Variants in ST7 observed in about 807,000 individuals in gnomAD.
ST7 encodes suppression of tumorigenicity 7.
A neutral mutation model predicts 78.7 loss-of-function variants in ST7; 28 were observed. That is an observed-to-expected ratio of 0.36 (90% CI 0.26 to 0.49). The LOEUF (loss-of-function observed/expected upper bound fraction) is 0.49, where lower values mean the gene tolerates loss of function less well. Ranked by LOEUF, ST7 falls within the 20% of genes least tolerant of loss-of-function variation. The pLI is 0.99. For missense variants in ST7, 418 were observed against 696.0 expected, an observed-to-expected ratio of 0.60 and a Z score of 4.49; for synonymous variants, 247 against 249.6, an observed-to-expected ratio of 0.99 and a Z score of 0.10.
chr7:117,099,066 C>CAAAAAAA (rs55999217), intron 1 of ST7, among the ~76,000 whole-genome samples: 1 of 94,540 alleles, frequency 1.1e-5, no homozygotes, highest in Non-Finnish European at 2.0e-5. Context: ...AAAAAAAAAA[C>CAAAAAAA]AAAAAAAAAA....
intron 12 of ST7, among the ~76,000 whole-genome samples, chr7:117,195,427 G>T (rs1360453249): frequency 6.6e-6 from 1 of 152,074 alleles, no homozygotes; most frequent in African/African-American, 2.4e-5. Context: ...AAATTTTTAG[G>T]TGTACAGTAC....
intron 12 of ST7, among the ~76,000 whole-genome samples, chr7:117,205,980 T>C (rs1791717784): frequency 6.6e-6 from 1 of 152,238 alleles, no homozygotes; most frequent in African/African-American, 2.4e-5. Context: ...GTTCCATTTA[T>C]TTTTCTCTTG....
intron 9 of ST7, among the ~76,000 whole-genome samples, chr7:117,158,369 C>T (rs193220794): frequency 3.7e-4 from 56 of 152,272 alleles, no homozygotes; most frequent in Admixed American, 9.2e-4. Flanking sequence ...TTGGACTAAA[C>T]GGATCACAGT....
rs375237500 is a variant in ST7 at position 117,042,726 on chromosome 7, C to T, written c.152-57036C>T. Among the ~76,000 whole-genome samples the T allele has an allele frequency of 3.7e-4, 57 of 152,120 alleles. 1 individual carries two copies. The South Asian group carries it at 9.3e-3, about 25-fold the overall frequency. Reference sequence around the variant, plus strand: ...TGGCTTTTGTTTTGTGACTTGCCTTCTCCAAGATTTTAAAAAAATATATAG... The same window carrying T: ...TGGCTTTTGTTTTGTGACTTGCCTTTTCCAAGATTTTAAAAAAATATATAG... On this transcript the variant is annotated intron_variant, in intron 1 of 15. Coordinates refer to ENST00000323984, the MANE Select transcript of ST7 (RefSeq NM_001369598.1).
intron 1 of ST7, among the ~76,000 whole-genome samples, chr7:117,029,534 G>C (rs1796368651): frequency 6.6e-6 from 1 of 151,924 alleles, no homozygotes; most frequent in Non-Finnish European, 1.5e-5. Flanking sequence ...ATAGTCTGTA[G>C]CTTTCCTTTT....
At chr7:117,042,391 G>A (rs527568411) in intron 1 of ST7, among the ~76,000 whole-genome samples, 1 of 152,142 alleles carries the variant, frequency 6.6e-6, no homozygotes, top group South Asian at 2.1e-4. Context: ...TGATAGATCA[G>A]TTTATAAATT....
chr7:116,977,897 C>A (rs1323737146), intron 1 of ST7, among the ~76,000 whole-genome samples: 2 of 152,186 alleles, frequency 1.3e-5, no homozygotes, highest in Non-Finnish European at 2.9e-5. Flanking sequence ...CCTGAAAAAA[C>A]AATAAAAATT....
intron 1 of ST7, among the ~76,000 whole-genome samples, chr7:117,012,831 T>A (rs1795442085): frequency 1.3e-5 from 2 of 152,222 alleles, no homozygotes. Context: ...CTTTTCTGTT[T>A]GCTAAGCCTG....
chr7:117,171,596 C>T (rs1807993999), intron 10 of ST7, among the ~76,000 whole-genome samples: 1 of 151,098 alleles, frequency 6.6e-6, no homozygotes, highest in African/African-American at 2.4e-5. Context: ...CCTAAGAAAC[C>T]AGAAAAATAA....
At chr7:117,207,331 A>T (rs1791865018) in intron 12 of ST7, among the ~76,000 whole-genome samples, 1 of 151,902 alleles carries the variant, frequency 6.6e-6, no homozygotes, top group African/African-American at 2.4e-5. Flanking sequence ...TTTAGTAGAG[A>T]CAGAGTTTTA....
intron 1 of ST7, among the ~76,000 whole-genome samples, chr7:117,026,684 C>G (rs2116099201): frequency 6.6e-6 from 1 of 152,298 alleles, no homozygotes; most frequent in South Asian, 2.1e-4. Context: ...CAGGGTTTAA[C>G]CATCTACCAT....
intron 1 of ST7, among the ~76,000 whole-genome samples, chr7:117,090,098 G>A (rs1179190643): frequency 6.6e-6 from 1 of 152,122 alleles, no homozygotes; most frequent in Non-Finnish European, 1.5e-5. Context: ...ACTAATTTCT[G>A]AGGGTTCTAC....
intron 1 of ST7, chr7:117,098,534 T>A (rs76785013): frequency 0.012 from 2,710 of 219,052 alleles, 28 homozygotes; most frequent in Admixed American, 0.017. Flanking sequence ...GTGTTTCAAC[T>A]GCACTTGGTC....
chr7:117,142,847 T>C (rs192676208), intron 9 of ST7, among the ~76,000 whole-genome samples: 196 of 152,266 alleles, frequency 1.3e-3, no homozygotes, highest in Admixed American at 3.3e-3. Context: ...CTTGATCTCA[T>C]GATCCACCTG....
At chr7:117,207,264 C>T (rs1051264369) in intron 12 of ST7, among the ~76,000 whole-genome samples, 2 of 151,926 alleles carry the variant, frequency 1.3e-5, no homozygotes, top group African/African-American at 4.8e-5. Flanking sequence ...CTGCCTTAGC[C>T]TCCTGAACAG....
chr7:117,147,047 G>A (rs1323008004), intron 9 of ST7, among the ~76,000 whole-genome samples: 1 of 152,124 alleles, frequency 6.6e-6, no homozygotes, highest in African/African-American at 2.4e-5. Context: ...AATACAGAAT[G>A]TAGTGTCTTG....
At chr7:117,098,860 A>G in intron 1 of ST7, 1 of 1,283,832 alleles carries the variant, frequency 7.8e-7, no homozygotes, top group Non-Finnish European at 1.0e-6. Context: ...TTTGTGTAGT[A>G]TCTAGATATA....
chr7:117,163,527 G>A (rs1014397156), intron 9 of ST7, among the ~76,000 whole-genome samples: 1 of 152,012 alleles, frequency 6.6e-6, no homozygotes, highest in Non-Finnish European at 1.5e-5. Context: ...GTTTTCATTT[G>A]CATTTCTCTG....
At chr7:117,134,085 A>C in intron 6 of ST7, 39 bp from the exon 7 acceptor site, 1 of 1,608,570 alleles carries the variant, frequency 6.2e-7, no homozygotes, top group Non-Finnish European at 8.5e-7. Flanking sequence ...TGTTCCTATC[A>C]ATTTTCATTT....
Sources: allele counts gnomAD v4.1 joint callset (sites outside exome capture counted in the v4.1 genomes callset), GRCh38; gene constraint gnomAD v4.1.1; transcripts MANE v1.5; gene names NCBI Gene and HGNC (gene_info 2026-07-23, HGNC 2026-07-21).